The following GSTO2 variants were observed in gnomAD, a reference collection of about 807,000 sequenced individuals.
The protein encoded by GSTO2 is glutathione S-transferase omega-2.
GSTO2 carries 23 observed loss-of-function variants against 28.4 expected under a neutral mutation model. The ratio of observed to expected loss-of-function variants is 0.81; its 90% CI spans 0.58 to 1.15. The LOEUF is 1.15. GSTO2 is among the 50% of genes most tolerant of loss of function. GSTO2 has a pLI of 0.00. For synonymous variants in GSTO2, 109 were observed against 111.0 expected (o/e 0.98, Z 0.11); for missense variants, 298 against 297.8 (o/e 1.00, Z 0.00).
intron 1 of GSTO2, among the ~76,000 whole-genome samples, chr10:104,271,383 C>T (rs1384378793): frequency 6.6e-6 from 1 of 152,224 alleles, no homozygotes; most frequent in East Asian, 1.9e-4. Flanking sequence ...TGTGTTCTTA[C>T]TCACTAGCGT....
rs563654177 is a variant in GSTO2 at position 104,298,284 on chromosome 10, C to T, written c.575+600C>T. The stretch of plus-strand genomic sequence containing the variant: ...AAAGCTCAGTGAAGCTGGACGTGTG[C>T]GGACGTCCACCCTAATCCAAGCCAC... On this transcript the variant is annotated intron_variant, in intron 6 of 6. Coordinates refer to ENST00000338595, the MANE Select transcript of GSTO2 (RefSeq NM_183239.2). Among the ~76,000 whole-genome samples, 212 of 152,266 alleles carry T rather than the reference C, an allele frequency of 1.4e-3. 1 individual carries two copies. Among genetic ancestry groups the T allele is most frequent in the African/African-American group, 4.7e-3 (197 of 41,546 alleles).
intron 5 of GSTO2, among the ~76,000 whole-genome samples, chr10:104,285,044 A>G (rs867180872): frequency 2.0e-5 from 3 of 152,076 alleles, no homozygotes; most frequent in South Asian, 4.2e-4. Context: ...AGGGCACTTT[A>G]TGGTTTTGCT....
At chr10:104,283,572 G>T (rs1277781220) in intron 5 of GSTO2, among the ~76,000 whole-genome samples, 1 of 152,166 alleles carries the variant, frequency 6.6e-6, no homozygotes, top group Non-Finnish European at 1.5e-5. Context: ...CTTGCAATGA[G>T]CTATGATCGT....
chr10:104,269,829 G>C (rs1298271670), intron 1 of GSTO2, among the ~76,000 whole-genome samples: 1 of 152,150 alleles, frequency 6.6e-6, no homozygotes, highest in Non-Finnish European at 1.5e-5. Context: ...GGTACTATTA[G>C]CTACGAATTA....
At chr10:104,281,705 C>G (rs1186807007) in intron 5 of GSTO2, among the ~76,000 whole-genome samples, 1 of 152,148 alleles carries the variant, frequency 6.6e-6, no homozygotes, top group African/African-American at 2.4e-5. Context: ...GGAGTGGCCT[C>G]TCTGTAAAGG....
chr10:104,293,563 A>ATTTTTTT lies in GSTO2; in HGVS notation c.469-3999_469-3993dup, dbSNP rs397787244. Among the ~76,000 whole-genome samples, 213 of 81,622 alleles carry ATTTTTTT rather than the reference A, an allele frequency of 2.6e-3. 21 individuals carry two copies. Among genetic ancestry groups the ATTTTTTT allele is most frequent in the African/African-American group, 4.8e-3 (78 of 16,242 alleles). 53.5% of individuals were successfully genotyped at this position (81,622 alleles called of 152,430 possible). ...AGGCATGAGCCACTGCGCCTGGCCA[A>ATTTTTTT]TTTTTTTTTTTTTTTTTTTTTTGCG... On this transcript the variant is annotated intron_variant, in intron 5 of 6. Transcript: ENST00000338595.
intron 5 of GSTO2, among the ~76,000 whole-genome samples, chr10:104,281,270 T>C (rs1309005910): frequency 1.3e-5 from 2 of 151,806 alleles, no homozygotes; most frequent in African/African-American, 2.4e-5. Flanking sequence ...GGAGAGCTGC[T>C]GCTTTAAAAA....
Position 104,277,962 on chromosome 10 carries a change from A to G in GSTO2, c.212A>G (p.His71Arg). The stretch of plus-strand genomic sequence containing the variant: ...TACTATACAAAGCACCCTTTTGGCC[A>G]CATTCCTGTCCTGGAGACCAGCCAA... ...EWYYTKHPFG[H>R]IPVLETSQCQ... is the part of the protein sequence containing the mutation. Residue 71 changes from histidine to arginine, a missense_variant, in exon 4 of 7, where the codon CAC (histidine) becomes CGC (arginine). Physicochemically the swap from His to Arg is conservative, Grantham distance 29. Transcript: ENST00000338595. 3 of 1,614,164 alleles carry G rather than the reference A, an allele frequency of 1.9e-6. No individual in the cohort carries two copies. The highest frequency in any genetic ancestry group is 2.5e-6 in the Non-Finnish European group (3 of 1,179,998).
Position 104,301,169 on chromosome 10 carries a change from C to T in GSTO2, c.*1885C>T, listed in dbSNP as rs2013245871. On this transcript the variant is annotated 3_prime_UTR_variant, in exon 7 of 7. Transcript: ENST00000338595. ...TCATAGGACTTAGGAGATTGATCAGCCTTTTGCCGGTACAAATCCTGCATG... is the reference window on the plus strand; with the variant it reads ...TCATAGGACTTAGGAGATTGATCAGTCTTTTGCCGGTACAAATCCTGCATG... 6.6e-6 allele frequency: 1 copy of T among 152,194 alleles called. No individual in the cohort carries two copies. Among genetic ancestry groups the T allele is most frequent in the Non-Finnish European group, 1.5e-5 (1 of 68,036 alleles). The allele number at this position is 152,194 out of a possible 1,614,324, so 9.4% of individuals were successfully genotyped here.
At chr10:104,284,218 G>C (rs2012271964) in intron 5 of GSTO2, among the ~76,000 whole-genome samples, 1 of 152,010 alleles carries the variant, frequency 6.6e-6, no homozygotes, top group Admixed American at 6.6e-5. Context: ...AAATTAGTTG[G>C]ATGTGGTGAT....
intron 1 of GSTO2, among the ~76,000 whole-genome samples, chr10:104,269,709 AAAT>A (rs767126042): frequency 5.9e-5 from 9 of 152,210 alleles, no homozygotes; most frequent in Non-Finnish European, 1.2e-4. Flanking sequence ...AATAATCATA[AAAT>A]AATAATAGCT....
intron 5 of GSTO2, among the ~76,000 whole-genome samples, chr10:104,292,869 T>G (rs2012842123): frequency 6.6e-6 from 1 of 152,198 alleles, no homozygotes; most frequent in Admixed American, 6.5e-5. Context: ...CTAACACCCA[T>G]TTTTCATTCC....
At chr10:104,286,090 T>C (rs866923755) in intron 5 of GSTO2, 1 of 179,238 alleles carries the variant, frequency 5.6e-6, no homozygotes, top group East Asian at 1.6e-4. Flanking sequence ...TTTTAATAAG[T>C]TATTGAGATA....
intron 1 of GSTO2, among the ~76,000 whole-genome samples, chr10:104,274,460 A>G (rs1589855395): frequency 6.6e-6 from 1 of 152,274 alleles, no homozygotes; most frequent in Non-Finnish European, 1.5e-5. Flanking sequence ...TTACTTACCA[A>G]AGAGTGGCCA....
Position 104,278,046 on chromosome 10 carries a change from G to T in GSTO2, c.296G>T (p.Gly99Val), listed in dbSNP as rs776985540. 1 of 1,614,176 alleles carries T rather than the reference G, an allele frequency of 6.2e-7. No individual in the cohort carries two copies. ...ACEYLDDAYP[G>V]RKLFPYDPYE... ...GAGTACCTGGATGATGCTTATCCAGGAAGGAAGCTGTTTCCATATGACCCT... is the reference window on the plus strand; with the variant it reads ...GAGTACCTGGATGATGCTTATCCAGTAAGGAAGCTGTTTCCATATGACCCT... The change falls in exon 4 of 7, where the codon GGA (glycine) becomes GTA (valine). Residue 99 changes from glycine (G) to valine (V), a missense_variant. Transcript: ENST00000338595.
Position 104,300,952 on chromosome 10 carries a change from C to G in GSTO2, c.*1668C>G, listed in dbSNP as rs1188322604. 6.6e-6 allele frequency: 1 copy of G among 152,320 alleles called. No homozygotes were observed. The highest frequency in any genetic ancestry group is 6.5e-5 in the Admixed American group (1 of 15,290). The allele number at this position is 152,320 out of a possible 1,614,324, so 9.4% of individuals were successfully genotyped here. ...TTACTCTGTGCCAGCTGGACAGAAACAAGCCTGCTTGGTGAGGTGGCCAGA... is the reference window on the plus strand; with the variant it reads ...TTACTCTGTGCCAGCTGGACAGAAAGAAGCCTGCTTGGTGAGGTGGCCAGA... On this transcript the variant is annotated 3_prime_UTR_variant, in exon 7 of 7. Coordinates refer to ENST00000338595, the MANE Select transcript of GSTO2 (RefSeq NM_183239.2).
intron 1 of GSTO2, among the ~76,000 whole-genome samples, chr10:104,274,090 C>A (rs2011522789): frequency 6.6e-6 from 1 of 152,204 alleles, no homozygotes; most frequent in African/African-American, 2.4e-5. Context: ...CTGTGCAAGT[C>A]GCCCCTATAT....
Position 104,299,476 on chromosome 10 carries a change from T to A in GSTO2, c.*192T>A. 1 of 613,042 alleles carries A rather than the reference T, an allele frequency of 1.6e-6. No individual in the cohort carries two copies. Among genetic ancestry groups the A allele is most frequent in the Non-Finnish European group, 2.7e-6 (1 of 370,678 alleles). The allele number at this position is 613,042 out of a possible 1,614,324, so 38.0% of individuals were successfully genotyped here. The stretch of plus-strand genomic sequence containing the variant: ...GCCTGTAGCTGCTGCTACTGCTGCT[T>A]TTTTTTCCTTTTTTTTTTTGAGGCA... On this transcript the variant is annotated 3_prime_UTR_variant, in exon 7 of 7. Transcript: ENST00000338595.
chr10:104,271,658 C>T (rs1458016251), intron 1 of GSTO2, among the ~76,000 whole-genome samples: 3 of 152,232 alleles, frequency 2.0e-5, no homozygotes, highest in Non-Finnish European at 4.4e-5. Context: ...CCATCCCTGT[C>T]TTCTAACTCT....
Sources: gnomAD v4.1 joint callset for allele counts (sites outside exome capture counted in the v4.1 genomes callset) on GRCh38, gnomAD v4.1.1 for gene constraint, MANE v1.5 for transcripts, NCBI Gene and HGNC (gene_info 2026-07-23, HGNC 2026-07-21) for gene names.